RGS12: variants seen among roughly 807,000 people sequenced by gnomAD.
RGS12 encodes the protein regulator of G-protein signaling 12.
In RGS12, 66 loss-of-function variants were observed where a neutral mutation model predicts 120.1. That is an observed-to-expected ratio of 0.55 (90% CI 0.45 to 0.67). The LOEUF is 0.67. Among genes scored for constraint, RGS12 ranks in the 30% least tolerant of loss-of-function variants. RGS12 has a pLI of 0.00. For missense variants in RGS12, 1,859 were observed against 1,957.7 expected (o/e 0.95, Z 0.95); for synonymous variants, 827 against 804.7 (o/e 1.03, Z -0.47).
rs149892252 is a variant in RGS12, at chr4:3,390,770, A to G, written c.2020+4333A>G. 4.8e-4 allele frequency among the ~76,000 whole-genome samples: 73 copies of G among 152,336 alleles called. No homozygotes were observed. The highest frequency in any genetic ancestry group is 1.7e-3 in the African/African-American group (72 of 41,576). On this transcript the variant is annotated intron_variant, in intron 4 of 17. Transcript: ENST00000336727. This position sits in a 1 kb window ranked among gnomAD's most constrained non-coding sequence, Gnocchi z 4.6. The stretch of plus-strand genomic sequence containing the variant: ...TCATCTCGCCGGTCCTTGTTAGCGA[A>G]CAGGCACTGAGGCCTGGGGAGCTGT...
At chr4:3,436,658 G>A (rs546707122) in intron 17 of RGS12, among the ~76,000 whole-genome samples, 31 of 152,310 alleles carry the variant, frequency 2.0e-4, no homozygotes, top group South Asian at 6.2e-4. Flanking sequence ...AGGGTGGGGC[G>A]GGGTCCTGCC....
chr4:3,410,531 G>C (rs758847943), intron 4 of RGS12, among the ~76,000 whole-genome samples: 1 of 152,240 alleles, frequency 6.6e-6, no homozygotes, highest in Non-Finnish European at 1.5e-5. Context: ...GCACTGGGCG[G>C]GAGGTCCTAC....
intron 4 of RGS12, among the ~76,000 whole-genome samples, chr4:3,391,777 A>G (rs937077381): frequency 7.0e-6 from 1 of 142,750 alleles, no homozygotes; most frequent in Non-Finnish European, 1.5e-5. Context: ...GCCTCACCAG[A>G]GAGGGCTGCC....
intron 7 of RGS12, 31 bp downstream of exon 7, chr4:3,416,152 G>C (rs199544473): frequency 1.2e-6 from 2 of 1,612,254 alleles, no homozygotes; most frequent in Admixed American, 1.7e-5. Flanking sequence ...CTTGTGGGGA[G>C]TCCAGGCTAG....
rs137999694 is a variant in RGS12, at chr4:3,430,588, C to T, written c.3747C>T (p.Asn1249=). 23 of 1,612,438 alleles carry T rather than the reference C, an allele frequency of 1.4e-5. No homozygotes were observed. Among genetic ancestry groups the T allele is most frequent in the East Asian group, 8.9e-5 (4 of 44,884 alleles). ...TTAGCAAGAGAAGCGCCACAGGCAA[C>T]GGCCGGGAGAGCGCCTCCCAGCCTG... is the stretch of plus-strand genomic sequence containing the variant. ...KGFSKRSATG[N]GRESASQPGE... The change falls in exon 17 of 18, where the codon AAC becomes AAT. Residue 1249 remains asparagine, a synonymous_variant. Transcript: ENST00000336727.
intron 16 of RGS12, 29 bp from the exon 17 acceptor site, chr4:3,430,378 C>T (rs960319719): frequency 1.3e-5 from 20 of 1,581,190 alleles, no homozygotes; most frequent in Non-Finnish European, 1.7e-5. Context: ...CTCTCTAAAA[C>T]ACGGTCACTC....
Position 3,317,851 on chromosome 4 carries a change from A to G in RGS12, c.1681A>G (p.Thr561Ala). The change falls in exon 2 of 18, where the codon ACC becomes GCC. Residue 561 changes from threonine (T) to alanine (A), a missense_variant. Physicochemically the swap from Thr to Ala is moderately conservative, Grantham distance 58 (BLOSUM62 0). Transcript: ENST00000336727. The part of the protein sequence containing the change: ...TSDQDSYTDS[T>A]DGWSSINCGT... ...CGACCAGGACTCTTACACAGATTCCACCGATGGCTGGTCCAGCATCAACTG... is the reference window on the plus strand; with the variant it reads ...CGACCAGGACTCTTACACAGATTCCGCCGATGGCTGGTCCAGCATCAACTG... 2 of 1,613,566 alleles carry G rather than the reference A, an allele frequency of 1.2e-6. No homozygotes were observed. Among genetic ancestry groups the G allele is most frequent in the South Asian group, 1.1e-5 (1 of 91,018 alleles).
intron 17 of RGS12, among the ~76,000 whole-genome samples, chr4:3,432,610 C>G (rs552654480): frequency 1.3e-5 from 2 of 152,174 alleles, no homozygotes; most frequent in Non-Finnish European, 2.9e-5. Context: ...GTTTACAGCG[C>G]AGGCCCAGCT....
intron 2 of RGS12, chr4:3,324,767 G>C (rs1179419446): frequency 4.6e-5 from 7 of 152,222 alleles, no homozygotes; most frequent in African/African-American, 1.7e-4. Context: ...CAGCATCTTA[G>C]GTAGCTGGAG....
In RGS12 at chr4:3,333,005, T is replaced by A. The variant is rs534262973; in HGVS notation, c.1882-9932T>A. Reference sequence around the variant, plus strand: ...CACACCTGGCTAATTTTTATATTTTTAGTAGAGACAGGGTTTCACCATGTT... The same window carrying A: ...CACACCTGGCTAATTTTTATATTTTAAGTAGAGACAGGGTTTCACCATGTT... On this transcript the variant is annotated intron_variant, in intron 2 of 17. Coordinates refer to ENST00000336727, the MANE Select transcript of RGS12 (RefSeq NM_001394154.1). Among the ~76,000 whole-genome samples the A allele has an allele frequency of 4.8e-4, 73 of 151,438 alleles. 1 individual carries two copies. The highest frequency in any genetic ancestry group is 1.6e-3 in the African/African-American group (66 of 41,266).
rs753288827 is a variant in RGS12 at position 3,374,364 on chromosome 4, G to A, written c.1999-12052G>A. 5.3e-5 allele frequency among the ~76,000 whole-genome samples: 8 copies of A among 152,148 alleles called. No homozygotes were observed. The highest frequency in any genetic ancestry group is 8.8e-5 in the Non-Finnish European group (6 of 68,028). ...TTCACGGGGGAGGCCTAGGCTGGGCGGGGACCGGTCTCCTTCCGCCACCAC... is the reference window on the plus strand; with the variant it reads ...TTCACGGGGGAGGCCTAGGCTGGGCAGGGACCGGTCTCCTTCCGCCACCAC... On this transcript the variant is annotated intron_variant, in intron 3 of 17. Coordinates refer to ENST00000336727, the MANE Select transcript of RGS12 (RefSeq NM_001394154.1). The surrounding 1 kb of genome is among the most constrained non-coding windows in gnomAD (Gnocchi z 6.3).
At chr4:3,379,477 T>C (rs1404673178) in intron 3 of RGS12, among the ~76,000 whole-genome samples, 2 of 152,100 alleles carry the variant, frequency 1.3e-5, no homozygotes, top group African/African-American at 4.8e-5. Context: ...TATTAAAATA[T>C]CATATCACAT....
intron 1 of RGS12, among the ~76,000 whole-genome samples, chr4:3,303,354 C>T (rs1284285501): frequency 2.0e-5 from 3 of 152,292 alleles, no homozygotes; most frequent in South Asian, 4.1e-4. Flanking sequence ...GGAGGGCCTC[C>T]GACTGGATGG....
At chr4:3,370,904 C>T (rs1004881553) in intron 3 of RGS12, among the ~76,000 whole-genome samples, 1 of 152,150 alleles carries the variant, frequency 6.6e-6, no homozygotes, top group East Asian at 1.9e-4. Context: ...CCTCTTAAGG[C>T]TGTGTTGGTG....
At chr4:3,384,974 TC>T (rs1479170086) in intron 3 of RGS12, among the ~76,000 whole-genome samples, 1 of 152,164 alleles carries the variant, frequency 6.6e-6, no homozygotes, top group Non-Finnish European at 1.5e-5. Flanking sequence ...TGTGCAGAAT[TC>T]CAGTGGGTGT....
At chr4:3,300,329 C>T (rs1723614106) in intron 1 of RGS12, among the ~76,000 whole-genome samples, 1 of 152,152 alleles carries the variant, frequency 6.6e-6, no homozygotes, top group South Asian at 2.1e-4. Flanking sequence ...GCCCCGCCTG[C>T]CAGAGCGCCC....
At chr4:3,367,916 C>T (rs1280206884) in intron 3 of RGS12, among the ~76,000 whole-genome samples, 1 of 152,238 alleles carries the variant, frequency 6.6e-6, no homozygotes, top group Non-Finnish European at 1.5e-5. Flanking sequence ...GCTTTGTGGG[C>T]TTTGCGAATA....
chr4:3,309,156 G>A (rs76393538), intron 1 of RGS12, among the ~76,000 whole-genome samples: 647 of 11,476 alleles, frequency 0.056, 29 homozygotes, highest in Middle Eastern at 0.1. Context: ...TCTGCTGAGG[G>A]GAACCGTGTT....
At chr4:3,343,164 T>A (rs2073286) in intron 3 of RGS12, 111 bp downstream of exon 3, 2 of 707,588 alleles carry the variant, frequency 2.8e-6, no homozygotes, top group Admixed American at 4.5e-5. Flanking sequence ...CCTCCCCTCC[T>A]CCTCTGTAGT....
Sources: allele counts gnomAD v4.1 joint callset (sites outside exome capture counted in the v4.1 genomes callset), GRCh38; gene constraint gnomAD v4.1.1; non-coding constraint Gnocchi (gnomAD v3.1); transcripts MANE v1.5; gene names NCBI Gene and HGNC (gene_info 2026-07-23, HGNC 2026-07-21).